Variants in INSC observed in about 807,000 individuals in gnomAD.
INSC encodes protein inscuteable homolog.
In INSC, 67 loss-of-function variants were observed where a neutral mutation model predicts 58.6. The ratio of observed to expected loss-of-function variants is 1.14; its 90% CI spans 0.94 to 1.40. The LOEUF (loss-of-function observed/expected upper bound fraction) is 1.40. Ranked by LOEUF, INSC falls within the 40% of genes most tolerant of loss-of-function variation. The probability of loss-of-function intolerance (pLI) is 0.00; values close to 1 mark genes in which losing one functional copy is unlikely to be tolerated. For missense variants in INSC, 714 were observed against 692.0 expected, an observed-to-expected ratio of 1.03 and a Z score of -0.36; for synonymous variants, 262 against 276.1, an observed-to-expected ratio of 0.95 and a Z score of 0.51.
chr11:15,233,939 C>A (rs1009278651), intron 9 of INSC, among the ~76,000 whole-genome samples: 85 of 152,284 alleles, frequency 5.6e-4, no homozygotes, highest in African/African-American at 2.0e-3. Context: ...AATGTGCACA[C>A]GATGCCTCTT....
At chr11:15,129,557 C>A (rs890688658) in intron 1 of INSC, among the ~76,000 whole-genome samples, 2 of 152,126 alleles carry the variant, frequency 1.3e-5, no homozygotes, top group Non-Finnish European at 2.9e-5. Context: ...TCTTTAATAT[C>A]ATTTAATAAT....
At chr11:15,261,612 C>A in the INSC span, among the ~76,000 whole-genome samples, 1 of 152,140 alleles carries the variant, frequency 6.6e-6, no homozygotes, top group Non-Finnish European at 1.5e-5. Context: ...AGTGGAAGAT[C>A]TGAAATGTAA....
chr11:15,137,157 G>A (rs1848264877), intron 1 of INSC, among the ~76,000 whole-genome samples: 1 of 152,102 alleles, frequency 6.6e-6, no homozygotes, highest in African/African-American at 2.4e-5. Flanking sequence ...CTGAGTGGTA[G>A]GTCTTAGCAG....
the INSC span, among the ~76,000 whole-genome samples, chr11:15,255,400 A>G: frequency 6.6e-6 from 1 of 152,204 alleles, no homozygotes; most frequent in Non-Finnish European, 1.5e-5. Context: ...TGAAAATAAA[A>G]GTCCTGTGCA....
chr11:15,227,439 C>T (rs1159474020), intron 9 of INSC, among the ~76,000 whole-genome samples: 1 of 152,188 alleles, frequency 6.6e-6, no homozygotes, highest in Non-Finnish European at 1.5e-5. Context: ...CTATTAAGTT[C>T]TTAATAAATG....
chr11:15,172,788 G>A (rs780513635), intron 2 of INSC, among the ~76,000 whole-genome samples: 10 of 152,158 alleles, frequency 6.6e-5, no homozygotes, highest in Non-Finnish European at 1.3e-4. Context: ...TGTGGCAGGG[G>A]CGCTAGGAGT....
the INSC span, among the ~76,000 whole-genome samples, chr11:15,257,373 A>G: frequency 2.6e-5 from 4 of 152,186 alleles, no homozygotes; most frequent in African/African-American, 9.7e-5. Flanking sequence ...ATATTGTTGG[A>G]GTAAGAAAAA....
Position 15,200,859 on chromosome 11 carries a change from G to A in INSC, c.729G>A (p.Arg243=), listed in dbSNP as rs1850557480. The A allele has an allele frequency of 1.2e-6, 2 of 1,613,900 alleles. No individual in the cohort carries two copies. Among genetic ancestry groups the A allele is most frequent in the Non-Finnish European group, 1.7e-6 (2 of 1,180,024 alleles). The change falls in exon 7 of 13, where the codon CGG becomes CGA. Residue 243 remains arginine, a synonymous_variant. Transcript: ENST00000379556. ...TCGTAGCACTCTTCAAGGTTTGCCG[G>A]CAGGACAGTTTCCGGTGCTTGTACC... ...GGVVALFKVC[R]QDSFRCLYPQ...
chr11:15,191,552 T>G (rs1038938447), intron 6 of INSC, among the ~76,000 whole-genome samples: 1 of 152,222 alleles, frequency 6.6e-6, no homozygotes, highest in Non-Finnish European at 1.5e-5. Context: ...GACATCATGT[T>G]TGTAAGACAT....
intron 7 of INSC, among the ~76,000 whole-genome samples, chr11:15,219,285 G>A (rs1230401281): frequency 6.6e-6 from 1 of 152,116 alleles, no homozygotes; most frequent in Non-Finnish European, 1.5e-5. Flanking sequence ...GACAATGATA[G>A]CAAAGGTACT....
the INSC span, among the ~76,000 whole-genome samples, chr11:15,256,422 T>G: frequency 1.3e-5 from 2 of 152,108 alleles, no homozygotes; most frequent in African/African-American, 2.4e-5. Context: ...ATAATCCAAC[T>G]GAGAAAGTTC....
chr11:15,131,268 A>C (rs1848119375), intron 1 of INSC, among the ~76,000 whole-genome samples: 1 of 151,888 alleles, frequency 6.6e-6, no homozygotes, highest in Non-Finnish European at 1.5e-5. Context: ...TTTCTGCTGT[A>C]ATTTCTTCTT....
intron 7 of INSC, among the ~76,000 whole-genome samples, chr11:15,217,448 A>C (rs1250113551): frequency 6.6e-6 from 1 of 152,170 alleles, no homozygotes; most frequent in African/African-American, 2.4e-5. Flanking sequence ...TAGAGGCAGG[A>C]TTCAGACGTA....
At chr11:15,166,392 A>C (rs1849197528) in intron 2 of INSC, among the ~76,000 whole-genome samples, 1 of 152,208 alleles carries the variant, frequency 6.6e-6, no homozygotes, top group African/African-American at 2.4e-5. Flanking sequence ...AGCTTCAAGT[A>C]TTTCAAAATC....
chr11:15,153,533 G>A (rs1007211631), intron 2 of INSC, among the ~76,000 whole-genome samples: 7 of 152,162 alleles, frequency 4.6e-5, no homozygotes, highest in African/African-American at 1.7e-4. Context: ...ATTGTGAATG[G>A]GATAATTGGA....
intron 7 of INSC, among the ~76,000 whole-genome samples, chr11:15,203,624 T>G (rs934592064): frequency 1.9e-4 from 29 of 152,236 alleles, no homozygotes; most frequent in Admixed American, 1.8e-3. Flanking sequence ...CATTATGTAA[T>G]TCATTCATTC....
chr11:15,142,642 C>T (rs560611286), intron 1 of INSC, among the ~76,000 whole-genome samples: 32 of 152,068 alleles, frequency 2.1e-4, no homozygotes, highest in East Asian at 7.7e-4. Flanking sequence ...TCCACTGATC[C>T]GTCTGTCTGT....
intron 7 of INSC, among the ~76,000 whole-genome samples, chr11:15,202,044 C>T (rs975360307): frequency 6.6e-6 from 1 of 152,210 alleles, no homozygotes; most frequent in African/African-American, 2.4e-5. Flanking sequence ...CTTACAGATG[C>T]TCTTAGCTAA....
chr11:15,118,968 T>G (rs1359825518), intron 1 of INSC, among the ~76,000 whole-genome samples: 1 of 152,226 alleles, frequency 6.6e-6, no homozygotes, highest in Non-Finnish European at 1.5e-5. Flanking sequence ...ACAGCAAGGC[T>G]AAACAACTAG....
Sources: gnomAD v4.1 joint callset for allele counts (sites outside exome capture counted in the v4.1 genomes callset) on GRCh38, gnomAD v4.1.1 for gene constraint, MANE v1.5 for transcripts, NCBI Gene and HGNC (gene_info 2026-07-23, HGNC 2026-07-21) for gene names.